The following MECOM variants were observed in gnomAD, a reference collection of about 807,000 sequenced individuals.
MECOM encodes the protein MDS1 and EVI1 complex locus.
In MECOM, 13 loss-of-function variants were observed where a neutral mutation model predicts 116.3. The ratio of observed to expected loss-of-function variants is 0.11; its 90% CI spans 0.07 to 0.18. MECOM has a LOEUF of 0.18. MECOM is among the 10% of genes least tolerant of loss of function. The probability of loss-of-function intolerance (pLI) is 1.00; values close to 1 mark genes in which losing one functional copy is unlikely to be tolerated. For missense variants in MECOM, 1,299 were observed against 1,509.0 expected, an observed-to-expected ratio of 0.86 and a Z score of 2.31; for synonymous variants, 528 against 535.2, an observed-to-expected ratio of 0.99 and a Z score of 0.19.
At chr3:169,312,817 A>T (rs1252233039) in intron 2 of MECOM, among the ~76,000 whole-genome samples, 2 of 152,168 alleles carry the variant, frequency 1.3e-5, no homozygotes, top group Admixed American at 1.3e-4. Context: ...CCATGTGGGG[A>T]TGTCAGCTGG....
At chr3:169,411,030 ATC>A (rs1487561481) in intron 1 of MECOM, among the ~76,000 whole-genome samples, 3 of 152,120 alleles carry the variant, frequency 2.0e-5, no homozygotes, top group African/African-American at 7.2e-5. Flanking sequence ...AATCTTGTCT[ATC>A]TCCATATGAA....
Position 169,140,065 on chromosome 3 carries a change from C to T in MECOM, c.510+3633G>A, listed in dbSNP as rs1363183055. 2.3e-5 allele frequency among the ~76,000 whole-genome samples: 3 copies of T among 128,488 alleles called. No individual in the cohort carries two copies. The East Asian group carries it at 6.5e-4, about 28-fold the overall frequency. 84.3% of individuals were successfully genotyped at this position (128,488 alleles called of 152,430 possible). On this transcript the variant is annotated intron_variant, in intron 3 of 16. Transcript: ENST00000651503. ...AAACCTCTGAATAATGAAAAAAAAA[C>T]ATTTTTATGCTTCCTCTCTATATTG... is the stretch of plus-strand genomic sequence containing the variant.
At chr3:169,319,121 C>A (rs1720355457) in intron 2 of MECOM, among the ~76,000 whole-genome samples, 1 of 151,058 alleles carries the variant, frequency 6.6e-6, no homozygotes, top group African/African-American at 2.4e-5. Flanking sequence ...AAGACACATG[C>A]ACATGTATGT....
intron 2 of MECOM, among the ~76,000 whole-genome samples, chr3:169,364,039 G>C (rs1416378610): frequency 1.3e-5 from 2 of 151,788 alleles, no homozygotes; most frequent in Non-Finnish European, 1.5e-5. Context: ...TGTCTGTATT[G>C]CGTTTGCTGT....
chr3:169,636,924 T>C (rs766272616), intron 1 of MECOM, among the ~76,000 whole-genome samples: 7 of 152,136 alleles, frequency 4.6e-5, no homozygotes, highest in Admixed American at 6.5e-5. Flanking sequence ...CTACAATACC[T>C]AGTCTCTGAA....
chr3:169,402,241 G>A (rs529582405), intron 1 of MECOM, among the ~76,000 whole-genome samples: 2 of 152,278 alleles, frequency 1.3e-5, no homozygotes, highest in South Asian at 4.1e-4. Context: ...CAGGAACTGG[G>A]ACACATATGG....
intron 2 of MECOM, among the ~76,000 whole-genome samples, chr3:169,286,211 G>A (rs1308525629): frequency 1.3e-5 from 2 of 152,100 alleles, no homozygotes; most frequent in Non-Finnish European, 2.9e-5. Context: ...CAGAATGAAC[G>A]TATTTCTTGA....
chr3:169,560,674 TG>T (rs1299283346), intron 1 of MECOM, among the ~76,000 whole-genome samples: 1 of 152,154 alleles, frequency 6.6e-6, no homozygotes, highest in African/African-American at 2.4e-5. Context: ...CTGTTTAAAA[TG>T]ATGGCTACAA....
intron 1 of MECOM, among the ~76,000 whole-genome samples, chr3:169,597,273 A>T (rs565711452): frequency 5.6e-4 from 85 of 152,376 alleles, no homozygotes; most frequent in African/African-American, 1.9e-3. Context: ...ATGACAGCTC[A>T]GAGGGCGAAG....
chr3:169,116,495 C>G lies in MECOM; in HGVS notation c.1377G>C (p.Met459Ile), dbSNP rs1165434297. 6.2e-7 allele frequency: 1 copy of G among 1,614,188 alleles called. No homozygotes were observed. The highest frequency in any genetic ancestry group is 2.2e-5 in the East Asian group (1 of 44,888). Reference protein sequence around the residue: ...PAMDKTSMVNMSHANPGLADY... With the variant: ...PAMDKTSMVNISHANPGLADY... ...CAGCAAGGCCCGGGTTGGCATGACT[C>G]ATATTAACCATGGACGTTTTATCCA... Residue 459 changes from methionine to isoleucine, a missense_variant, in exon 8 of 17, where the codon ATG becomes ATC. Physicochemically the swap from Met to Ile is conservative, Grantham distance 10 (BLOSUM62 1). Transcript: ENST00000651503.
In MECOM at chr3:169,659,088, A is replaced by AG. The variant is rs1553909424; in HGVS notation, c.37+4247_37+4248insC. Among the ~76,000 whole-genome samples the AG allele has an allele frequency of 6.4e-3, 974 of 151,040 alleles. 16 individuals are homozygous for AG. The highest frequency in any genetic ancestry group is 0.023 in the African/African-American group (927 of 40,762). ...CTTCAACTCCAAAAAAAAAAAAAAAAAAAGAAAGAGAAAGAAAGAAAGAAA... is the reference window on the plus strand; with the variant it reads ...CTTCAACTCCAAAAAAAAAAAAAAAAGAAAGAAAGAGAAAGAAAGAAAGAAA... On this transcript the variant is annotated intron_variant, in intron 1 of 16. Transcript: ENST00000651503.
chr3:169,124,086 C>T (rs530564977), intron 5 of MECOM, among the ~76,000 whole-genome samples: 77 of 152,156 alleles, frequency 5.1e-4, no homozygotes, highest in Non-Finnish European at 8.8e-4. Context: ...AGAGTACATT[C>T]GTTTTGAAGC....
intron 1 of MECOM, among the ~76,000 whole-genome samples, chr3:169,527,517 C>T (rs149332507): frequency 1.5e-4 from 23 of 152,254 alleles, no homozygotes; most frequent in Non-Finnish European, 8.8e-5. Context: ...CTTTTACATA[C>T]GGTGCATAAT....
At chr3:169,339,172 A>T (rs538008488) in intron 2 of MECOM, among the ~76,000 whole-genome samples, 74 of 152,286 alleles carry the variant, frequency 4.9e-4, no homozygotes, top group African/African-American at 1.7e-3. Context: ...CTGTTTTATT[A>T]TCTGTCTTAT....
At chr3:169,285,417 G>A (rs6791830) in intron 2 of MECOM, among the ~76,000 whole-genome samples, 7,191 of 152,252 alleles carry the variant, frequency 0.047, 380 homozygotes, top group East Asian at 0.13. Context: ...AATACTCTGC[G>A]CTCCCAGGAT....
At chr3:169,355,834 T>C (rs563472245) in intron 2 of MECOM, among the ~76,000 whole-genome samples, 2 of 149,400 alleles carry the variant, frequency 1.3e-5, no homozygotes, top group African/African-American at 2.5e-5. Context: ...AATATCATCT[T>C]TTTTTTTTCC....
intron 1 of MECOM, among the ~76,000 whole-genome samples, chr3:169,472,741 A>G (rs1440038868): frequency 6.7e-6 from 1 of 148,710 alleles, no homozygotes; most frequent in African/African-American, 2.5e-5. Context: ...GAAGGAAGGA[A>G]GGAAGGAAGA....
intron 2 of MECOM, among the ~76,000 whole-genome samples, chr3:169,247,030 C>A (rs952499730): frequency 5.3e-5 from 8 of 152,020 alleles, no homozygotes; most frequent in African/African-American, 9.7e-5. Flanking sequence ...AAGGTATAGA[C>A]CATTTTTACA....
At chr3:169,331,621 AAC>A (rs1722734609) in intron 2 of MECOM, among the ~76,000 whole-genome samples, 1 of 152,288 alleles carries the variant, frequency 6.6e-6, no homozygotes, top group South Asian at 2.1e-4. Context: ...AGAAATCTTA[AAC>A]ACATCATTTA....
Sources: gnomAD v4.1 joint callset for allele counts (sites outside exome capture counted in the v4.1 genomes callset) on GRCh38, gnomAD v4.1.1 for gene constraint, MANE v1.5 for transcripts, NCBI Gene and HGNC (gene_info 2026-07-23, HGNC 2026-07-21) for gene names.